GRID2: variants seen among roughly 807,000 people sequenced by gnomAD.
GRID2 encodes glutamate receptor ionotropic, delta-2.
In GRID2, 33 loss-of-function variants were observed where a neutral mutation model predicts 114.8. That is an observed-to-expected ratio of 0.29 (90% CI 0.22 to 0.38). The LOEUF is 0.38. Among genes scored for constraint, GRID2 ranks in the 10% least tolerant of loss-of-function variants. GRID2 has a pLI of 1.00. For missense variants in GRID2, 1,184 were observed against 1,257.7 expected (o/e 0.94, Z 0.89); for synonymous variants, 505 against 449.9 (o/e 1.12, Z -1.55).
intron 8 of GRID2, among the ~76,000 whole-genome samples, chr4:93,300,525 T>C (rs2149166303): frequency 6.6e-6 from 1 of 152,314 alleles, no homozygotes; most frequent in East Asian, 1.9e-4. Context: ...TTTACCCATG[T>C]CAGCTTTTGC....
intron 2 of GRID2, among the ~76,000 whole-genome samples, chr4:92,749,879 T>C (rs1203277458): frequency 2.0e-5 from 3 of 151,686 alleles, no homozygotes; most frequent in African/African-American, 7.2e-5. Flanking sequence ...GATTGATTGA[T>C]TGAGACAATT....
chr4:92,804,598 A>C, intron 2 of GRID2, among the ~76,000 whole-genome samples: 1 of 152,158 alleles, frequency 6.6e-6, no homozygotes, highest in East Asian at 1.9e-4. Flanking sequence ...TCTTTTGAGT[A>C]AGAAATTGTT....
At chr4:93,690,357 T>G (rs557350025) in intron 14 of GRID2, among the ~76,000 whole-genome samples, 1 of 152,160 alleles carries the variant, frequency 6.6e-6, no homozygotes, top group South Asian at 2.1e-4. Flanking sequence ...CTGCATGTAC[T>G]TCTGTGTTAT....
intron 2 of GRID2, among the ~76,000 whole-genome samples, chr4:92,749,140 C>T (rs1737307310): frequency 2.6e-5 from 4 of 151,382 alleles, no homozygotes; most frequent in South Asian, 4.2e-4. Context: ...ACTATAGGCG[C>T]GCACCACCAT....
intron 1 of GRID2, among the ~76,000 whole-genome samples, chr4:92,452,388 G>T (rs1233998092): frequency 6.6e-6 from 1 of 151,314 alleles, no homozygotes; most frequent in Non-Finnish European, 1.5e-5. Flanking sequence ...CACGATCTTG[G>T]CTCACTGTAA....
At chr4:92,821,534 A>G (rs920193332) in intron 2 of GRID2, among the ~76,000 whole-genome samples, 1 of 152,128 alleles carries the variant, frequency 6.6e-6, no homozygotes, top group African/African-American at 2.4e-5. Flanking sequence ...TCTTGATTTC[A>G]GTTAATACCC....
intron 2 of GRID2, among the ~76,000 whole-genome samples, chr4:92,855,416 G>A (rs1030029300): frequency 6.6e-6 from 1 of 151,946 alleles, no homozygotes; most frequent in African/African-American, 2.4e-5. Flanking sequence ...TATGCCATAT[G>A]CATGTATATT....
chr4:92,574,787 T>C (rs576000365), intron 1 of GRID2, among the ~76,000 whole-genome samples: 36 of 152,250 alleles, frequency 2.4e-4, no homozygotes, highest in East Asian at 2.3e-3. Context: ...GAGAATCTGA[T>C]GATTATGTGT....
chr4:93,028,783 AG>A (rs1724122611), intron 2 of GRID2, among the ~76,000 whole-genome samples: 1 of 152,074 alleles, frequency 6.6e-6, no homozygotes, highest in South Asian at 2.1e-4. Context: ...AATTAGGCCT[AG>A]AAAATGAGGT....
intron 1 of GRID2, among the ~76,000 whole-genome samples, chr4:92,560,952 C>T (rs1281757352): frequency 6.6e-6 from 1 of 152,138 alleles, no homozygotes; most frequent in Admixed American, 6.6e-5. Context: ...AGGTGATCCA[C>T]CCGCCTCAGC....
intron 4 of GRID2, among the ~76,000 whole-genome samples, chr4:93,199,396 CT>C (rs1380680399): frequency 2.0e-5 from 3 of 152,216 alleles, no homozygotes; most frequent in Non-Finnish European, 2.9e-5. Context: ...CAGTCTATCT[CT>C]TGCATTACAC....
At chr4:93,194,589 G>A (rs1741298942) in intron 4 of GRID2, among the ~76,000 whole-genome samples, 1 of 152,096 alleles carries the variant, frequency 6.6e-6, no homozygotes, top group Admixed American at 6.6e-5. Context: ...AGCTCATTTA[G>A]AACAGGACAA....
intron 8 of GRID2, among the ~76,000 whole-genome samples, chr4:93,296,178 T>C (rs1483037845): frequency 6.6e-6 from 1 of 152,206 alleles, no homozygotes; most frequent in Non-Finnish European, 1.5e-5. Flanking sequence ...CATGCATTTG[T>C]TGGTGGCCAC....
chr4:92,928,682 G>A (rs535753345), intron 2 of GRID2, among the ~76,000 whole-genome samples: 1 of 151,384 alleles, frequency 6.6e-6, no homozygotes, highest in African/African-American at 2.4e-5. Context: ...TTAGTACATA[G>A]GTAATTAACC....
chr4:93,716,803 A>T (rs561015371), intron 14 of GRID2, among the ~76,000 whole-genome samples: 1 of 152,240 alleles, frequency 6.6e-6, no homozygotes, highest in African/African-American at 2.4e-5. Context: ...ACATGAATTT[A>T]AAAGTTATTG....
At chr4:92,838,638 C>T (rs905830339) in intron 2 of GRID2, 1 of 151,954 alleles carries the variant, frequency 6.6e-6, no homozygotes, top group Non-Finnish European at 1.5e-5. Flanking sequence ...CAAATGTAAC[C>T]TTGAAAAAAT....
chr4:92,766,366 G>A (rs1323775977), intron 2 of GRID2, among the ~76,000 whole-genome samples: 8 of 151,846 alleles, frequency 5.3e-5, no homozygotes, highest in South Asian at 2.1e-4. Flanking sequence ...GTGAAACCCC[G>A]TCTCTACCAA....
At chr4:93,762,970 C>T (rs1216722438) in intron 14 of GRID2, among the ~76,000 whole-genome samples, 2 of 152,056 alleles carry the variant, frequency 1.3e-5, no homozygotes, top group African/African-American at 4.8e-5. Context: ...CCCCAACAAA[C>T]CAAAGGAGGC....
At position 93,409,609 on chromosome 4, in the gene GRID2, TGA is replaced by T. The variant is rs761564662; in HGVS notation, c.1348-13153_1348-13152del. ...GAGAAAGCAACAGGCACACACACAC[TGA>T]GAGAGAGATTTTGACACGACCATGT... is the stretch of plus-strand genomic sequence containing the variant. On this transcript the variant is annotated intron_variant, in intron 9 of 15. Transcript: ENST00000282020. Among the ~76,000 whole-genome samples, 6 of 152,164 alleles carry T rather than the reference TGA, an allele frequency of 3.9e-5. 1 individual carries two copies. Among genetic ancestry groups the T allele is most frequent in the South Asian group, 4.2e-4 (2 of 4,816 alleles).
Sources: allele counts gnomAD v4.1 joint callset (sites outside exome capture counted in the v4.1 genomes callset), GRCh38; gene constraint gnomAD v4.1.1; transcripts MANE v1.5; gene names NCBI Gene and HGNC (gene_info 2026-07-23, HGNC 2026-07-21).